GLOD4: variants seen among roughly 807,000 people sequenced by gnomAD.
GLOD4 encodes glyoxalase domain containing 4.
Under a neutral mutation model 39.1 loss-of-function variants are expected in GLOD4, and 44 were observed. The ratio of observed to expected loss-of-function variants is 1.13; its 90% CI spans 0.88 to 1.45. GLOD4 has a LOEUF of 1.45. GLOD4 is among the 40% of genes most tolerant of loss of function. The probability of loss-of-function intolerance (pLI) is 0.00; values close to 1 mark genes in which losing one functional copy is unlikely to be tolerated. For missense variants in GLOD4, 405 were observed against 366.4 expected (o/e 1.11, Z -0.86); for synonymous variants, 145 against 135.0 (o/e 1.07, Z -0.52).
chr17:760,193 T>A lies in GLOD4; in HGVS notation c.877A>T (p.Lys293Ter). 1 of 1,600,816 alleles carries A rather than the reference T, an allele frequency of 6.2e-7. No homozygotes were observed. Among genetic ancestry groups the A allele is most frequent in the South Asian group, 1.1e-5 (1 of 90,806 alleles). The change falls in exon 9 of 9, where the codon AAA becomes TAA. Residue 293 changes from lysine to a stop codon, truncating the protein, a stop_gained. Coordinates refer to ENST00000301329, the MANE Select transcript of GLOD4 (RefSeq NM_016080.4). LOFTEE classifies it high-confidence loss of function. ...KSDEWFAKHN[K>*]PKASG ...TTCCGTTAACCTGAAGCTTTGGGTT[T>A]ATTGTGTTTGGCAAACCACTCGTCA...
rs576834747 is a variant in GLOD4, at chr17:760,113, G to A, written c.*60C>T. Reference sequence around the variant, plus strand: ...AAGAGCATTTATTGGGAACTGACACGTCAGGCCTCACAGGTGCTGGGCAGG... The same window carrying A: ...AAGAGCATTTATTGGGAACTGACACATCAGGCCTCACAGGTGCTGGGCAGG... On this transcript the variant is annotated 3_prime_UTR_variant, in exon 9 of 9. Coordinates refer to ENST00000301329, the MANE Select transcript of GLOD4 (RefSeq NM_016080.4). 15 of 940,430 alleles carry A rather than the reference G, an allele frequency of 1.6e-5. No homozygotes were observed. The highest frequency in any genetic ancestry group is 1.2e-4 in the Admixed American group (7 of 58,074). The allele number at this position is 940,430 out of a possible 1,614,324, so 58.3% of individuals were successfully genotyped here.
intron 8 of GLOD4, chr17:764,752 TA>T: frequency 6.6e-6 from 1 of 151,752 alleles, no homozygotes; most frequent in African/African-American, 2.4e-5. Context: ...CTCACACCTG[TA>T]ATCCCAGCCC....
chr17:761,784 G>A (rs1905484968), intron 8 of GLOD4, among the ~76,000 whole-genome samples: 1 of 152,234 alleles, frequency 6.6e-6, no homozygotes, highest in Non-Finnish European at 1.5e-5. Context: ...GATTACAGGG[G>A]TGAGCCATCG....
chr17:778,903 C>G, intron 1 of GLOD4, 159 bp from the exon 2 acceptor site: 3 of 592,734 alleles, frequency 5.1e-6, no homozygotes, highest in Non-Finnish European at 9.0e-6. Flanking sequence ...AGGATAGAAG[C>G]AGTGGAAGGA....
chr17:763,093 G>A (rs1281484606), intron 8 of GLOD4, among the ~76,000 whole-genome samples: 2 of 151,484 alleles, frequency 1.3e-5, no homozygotes, highest in East Asian at 3.9e-4. Context: ...TGAGGCAGGA[G>A]AATGGTGTGA....
chr17:775,673 CACG>C, intron 4 of GLOD4, 99 bp downstream of exon 4: 2 of 909,880 alleles, frequency 2.2e-6, no homozygotes, highest in Non-Finnish European at 3.5e-6. Context: ...GAAGACACGT[CACG>C]TGAACACAGA....
chr17:773,327 T>C (rs1008372957), intron 4 of GLOD4, among the ~76,000 whole-genome samples: 1 of 152,202 alleles, frequency 6.6e-6, no homozygotes, highest in Non-Finnish European at 1.5e-5. Flanking sequence ...AATAAAACAC[T>C]AGGAACGACA....
rs577219986 is a variant in GLOD4 at position 760,182 on chromosome 17, A to G, written c.888T>C (p.Ala296=). ...TGCATCATGTCTTCCGTTAACCTGAAGCTTTGGGTTTATTGTGTTTGGCAA... is the reference window on the plus strand; with the variant it reads ...TGCATCATGTCTTCCGTTAACCTGAGGCTTTGGGTTTATTGTGTTTGGCAA... ...EWFAKHNKPK[A]SG Residue 296 remains alanine, a synonymous_variant, in exon 9 of 9, where the codon GCT becomes GCC. Coordinates refer to ENST00000301329, the MANE Select transcript of GLOD4 (RefSeq NM_016080.4). The G allele has an allele frequency of 8.8e-6, 14 of 1,591,420 alleles. No homozygotes were observed. The highest frequency in any genetic ancestry group is 1.1e-5 in the Non-Finnish European group (13 of 1,159,298).
chr17:777,104 T>C, intron 2 of GLOD4, 116 bp from the exon 3 acceptor site: 2 of 972,472 alleles, frequency 2.1e-6, no homozygotes, highest in Non-Finnish European at 3.2e-6. Flanking sequence ...AAAAGTTCTC[T>C]TAAGGATGAG....
upstream of GLOD4, chr17:782,306 AGGGCGCC>A (rs1910128717): frequency 6.2e-7 from 1 of 1,611,366 alleles, no homozygotes. Flanking sequence ...CAGTCCACGA[AGGGCGCC>A]ACGGGCCGTG....
intron 1 of GLOD4, among the ~76,000 whole-genome samples, chr17:779,031 T>A (rs1567795749): frequency 6.6e-6 from 1 of 152,036 alleles, no homozygotes; most frequent in South Asian, 2.1e-4. Context: ...AAGTCTGATT[T>A]GGGCCGGGCA....
At chr17:782,315 C>T (rs28364625), upstream of GLOD4, 1 of 1,610,920 alleles carries the variant, frequency 6.2e-7, no homozygotes, top group Non-Finnish European at 8.5e-7. Flanking sequence ...AAGGGCGCCA[C>T]GGGCCGTGAC....
intron 1 of GLOD4, 131 bp downstream of exon 1, chr17:782,035 G>A (rs746296621): frequency 1.4e-5 from 9 of 641,954 alleles, no homozygotes; most frequent in African/African-American, 1.3e-4. Flanking sequence ...GCTGAACACC[G>A]CGCAGGGCCT....
At chr17:777,587 A>G (rs1909173824) in intron 2 of GLOD4, 1 of 152,364 alleles carries the variant, frequency 6.6e-6, no homozygotes, top group Non-Finnish European at 1.5e-5. Flanking sequence ...GGTTGCAGTG[A>G]GCCAGGATAA....
chr17:770,064 C>T lies in GLOD4; in HGVS notation c.724G>A (p.Val242Met). 6.2e-7 allele frequency: 1 copy of T among 1,609,764 alleles called. No individual in the cohort carries two copies. Among genetic ancestry groups the T allele is most frequent in the Non-Finnish European group, 8.5e-7 (1 of 1,176,060 alleles). The change falls in exon 7 of 9, where the codon GTG becomes ATG. Residue 242 changes from valine to methionine, a missense_variant. By Grantham distance (21) the Val-to-Met change is conservative. Coordinates refer to ENST00000301329, the MANE Select transcript of GLOD4 (RefSeq NM_016080.4). ...CTTACAGGGTCGGCCAGAATGACCACCTGTACTGTTGCTTTCCCTGGGGTG... is the reference window on the plus strand; with the variant it reads ...CTTACAGGGTCGGCCAGAATGACCATCTGTACTGTTGCTTTCCCTGGGGTG... Reference protein sequence around the residue: ...LDTPGKATVQVVILADPDGHE... With the variant: ...LDTPGKATVQMVILADPDGHE...
At position 776,876 on chromosome 17, in the gene GLOD4, C is replaced by A; in HGVS notation, c.253G>T (p.Asp85Tyr). 1 of 1,613,332 alleles carries A rather than the reference C, an allele frequency of 6.2e-7. No homozygotes were observed. The highest frequency in any genetic ancestry group is 8.5e-7 in the Non-Finnish European group (1 of 1,179,242). ...YGVGDYKLGN[D>Y]FMGITLASSQ... Reference sequence around the variant, plus strand: ...AAAAAAACGGTATTTACCATAAAGTCATTGCCAAGCTTGTAGTCTCCGACG... The same window carrying A: ...AAAAAAACGGTATTTACCATAAAGTAATTGCCAAGCTTGTAGTCTCCGACG... Residue 85 changes from aspartate to tyrosine, a missense_variant, in exon 3 of 9, where the codon GAC (aspartate) becomes TAC (tyrosine). By Grantham distance (160) the Asp-to-Tyr change is radical (BLOSUM62 -3). Transcript: ENST00000301329.
At position 782,207 on chromosome 17, in the gene GLOD4, A is replaced by G. The variant is rs1040467736; in HGVS notation, c.49T>C (p.Phe17Leu). The change falls in exon 1 of 9, where the codon TTC becomes CTC. Residue 17 changes from phenylalanine to leucine, a missense_variant. By Grantham distance (22) the Phe-to-Leu change is conservative (BLOSUM62 0). Transcript: ENST00000301329. ...LHFVFKVGNR[F>L]QTARFYRDVL... ...TCCCGATAGAAACGCGCCGTCTGGA[A>G]GCGGTTTCCCACTTTGAATACGAAG... 1.2e-6 allele frequency: 2 copies of G among 1,613,216 alleles called. No homozygotes were observed. The highest frequency in any genetic ancestry group is 2.7e-5 in the African/African-American group (2 of 74,912).
In GLOD4 at chr17:767,673, G is replaced by A. The variant is rs72477050; in HGVS notation, c.831+2196C>T. ...GAAGAAATCTGGAGAGGACGTGAGA[G>A]AGAGAAACAGCGCGCATTCAGATTT... On this transcript the variant is annotated intron_variant, in intron 8 of 8. Transcript: ENST00000301329. Among the ~76,000 whole-genome samples the A allele has an allele frequency of 0.022, 3,249 of 149,248 alleles. 219 individuals carry two copies. In the East Asian group the frequency reaches 0.23, roughly 11 times the overall value.
Position 770,453 on chromosome 17 carries a change from C to G in GLOD4, c.598G>C (p.Gly200Arg), listed in dbSNP as rs769097307. 6.0e-5 allele frequency: 96 copies of G among 1,592,972 alleles called. No individual in the cohort carries two copies. Among genetic ancestry groups the G allele is most frequent in the Non-Finnish European group, 7.4e-5 (86 of 1,160,766 alleles). The change falls in exon 6 of 9, where the codon GGA (glycine) becomes CGA (arginine). Residue 200 changes from glycine (G) to arginine (R), a missense_variant. Transcript: ENST00000301329. ...KGGVDHAAAF[G>R]RIAFSCPQKE... ...TGGGGGCAAGAGAAGGCAATTCTTC[C>G]AAAAGCTGCTGCATGGTCCACCCCA...
Sources: gnomAD v4.1 joint callset for allele counts (sites outside exome capture counted in the v4.1 genomes callset) on GRCh38, gnomAD v4.1.1 for gene constraint, MANE v1.5 for transcripts, NCBI Gene and HGNC (gene_info 2026-07-23, HGNC 2026-07-21) for gene names.